The following GRID2 variants were observed in gnomAD, a reference collection of about 807,000 sequenced individuals.
The protein encoded by GRID2 is glutamate ionotropic receptor delta type subunit 2.
In GRID2, 33 loss-of-function variants were observed where a neutral mutation model predicts 114.8. The observed-to-expected ratio is 0.29, with a 90% CI of 0.22 to 0.38. GRID2 has a LOEUF of 0.38. Ranked by LOEUF, GRID2 falls within the 10% of genes least tolerant of loss-of-function variation. GRID2 has a pLI of 1.00. For missense variants in GRID2, 1,184 were observed against 1,257.7 expected (o/e 0.94, Z 0.89); for synonymous variants, 505 against 449.9 (o/e 1.12, Z -1.55).
chr4:93,514,422 TACACACACACAC>T (rs56718347), intron 12 of GRID2, among the ~76,000 whole-genome samples: 6,646 of 139,738 alleles, frequency 0.048, 166 homozygotes, highest in South Asian at 0.066. Flanking sequence ...ACCTCCACAG[TACACACACACAC>T]ACACACACAC....
chr4:93,613,636 T>C (rs1741224244), intron 13 of GRID2, among the ~76,000 whole-genome samples: 2 of 122,312 alleles, frequency 1.6e-5, no homozygotes, highest in African/African-American at 5.9e-5. Flanking sequence ...GGGTCAGGGG[T>C]CAGGGACCCA....
At chr4:93,382,440 C>T (rs778827016) in intron 8 of GRID2, among the ~76,000 whole-genome samples, 5 of 151,790 alleles carry the variant, frequency 3.3e-5, no homozygotes, top group African/African-American at 4.8e-5. Context: ...TCTTTCTGTT[C>T]CTTGGATTGA....
chr4:92,485,177 C>T (rs1191630095), intron 1 of GRID2, among the ~76,000 whole-genome samples: 3 of 150,470 alleles, frequency 2.0e-5, no homozygotes, highest in African/African-American at 7.3e-5. Context: ...TGGAGGATGA[C>T]AGTTGGGGAT....
intron 13 of GRID2, among the ~76,000 whole-genome samples, chr4:93,591,839 T>C (rs1437149321): frequency 3.3e-5 from 5 of 152,350 alleles, no homozygotes; most frequent in African/African-American, 1.2e-4. Flanking sequence ...TTAGTTTATT[T>C]GCGTAGAGGT....
At chr4:92,364,309 G>A (rs1475492218) in intron 1 of GRID2, among the ~76,000 whole-genome samples, 1 of 152,022 alleles carries the variant, frequency 6.6e-6, no homozygotes, top group Non-Finnish European at 1.5e-5. Flanking sequence ...GTTATGCAAA[G>A]TTGAGTGAGT....
chr4:93,615,936 G>T (rs1367307639), intron 13 of GRID2, among the ~76,000 whole-genome samples: 1 of 151,854 alleles, frequency 6.6e-6, no homozygotes. Context: ...ATTCTTTTCT[G>T]CATTGTCACT....
intron 2 of GRID2, chr4:92,884,949 C>A (rs770828258): frequency 9.5e-6 from 3 of 317,436 alleles, no homozygotes; most frequent in Admixed American, 4.1e-5. Flanking sequence ...AAAAAAAAAT[C>A]GCATCTAAAA....
At chr4:93,149,032 T>A (rs1323689854) in intron 4 of GRID2, among the ~76,000 whole-genome samples, 1 of 152,112 alleles carries the variant, frequency 6.6e-6, no homozygotes, top group Non-Finnish European at 1.5e-5. Flanking sequence ...AGTCATTATT[T>A]TCAGGGCCCC....
chr4:93,052,909 C>G (rs1013043535), intron 2 of GRID2, among the ~76,000 whole-genome samples: 3 of 151,828 alleles, frequency 2.0e-5, no homozygotes, highest in African/African-American at 7.2e-5. Flanking sequence ...TTAATCAGTG[C>G]TGCATAGGGC....
chr4:93,330,832 A>T (rs1758349681), intron 8 of GRID2, among the ~76,000 whole-genome samples: 1 of 152,022 alleles, frequency 6.6e-6, no homozygotes, highest in Non-Finnish European at 1.5e-5. Context: ...CTTCTAATCT[A>T]TTCCCCTTCT....
chr4:93,760,487 G>A (rs1293799056), intron 14 of GRID2, among the ~76,000 whole-genome samples: 3 of 152,150 alleles, frequency 2.0e-5, no homozygotes, highest in Non-Finnish European at 4.4e-5. Context: ...TTTTAAACAG[G>A]TCTCTGCTCT....
At chr4:93,221,683 A>C (rs1260730855) in intron 6 of GRID2, among the ~76,000 whole-genome samples, 1 of 152,200 alleles carries the variant, frequency 6.6e-6, no homozygotes, top group Non-Finnish European at 1.5e-5. Flanking sequence ...TGACAGAAAA[A>C]AGCAATAAAG....
rs535239229 is a variant in GRID2, at chr4:92,862,441, A to G, written c.245-222554A>G. Reference sequence around the variant, plus strand: ...CTACAAAGTGAAAATTGTTTTTTGTATTTGGCTTTAATAATTGCTTGTGTT... The same window carrying G: ...CTACAAAGTGAAAATTGTTTTTTGTGTTTGGCTTTAATAATTGCTTGTGTT... On this transcript the variant is annotated intron_variant, in intron 2 of 15. Coordinates refer to ENST00000282020, the MANE Select transcript of GRID2 (RefSeq NM_001510.4). Among the ~76,000 whole-genome samples the G allele has an allele frequency of 3.9e-5, 6 of 151,956 alleles. No homozygotes were observed. In the East Asian group the frequency reaches 9.7e-4, roughly 24 times the overall value.
At chr4:93,256,443 C>G (rs1043983404) in intron 8 of GRID2, among the ~76,000 whole-genome samples, 1 of 149,084 alleles carries the variant, frequency 6.7e-6, no homozygotes, top group African/African-American at 2.5e-5. Flanking sequence ...TTTTTTTGGT[C>G]ACAATGTAGT....
intron 1 of GRID2, among the ~76,000 whole-genome samples, chr4:92,423,320 A>C (rs1731996812): frequency 6.6e-6 from 1 of 152,150 alleles, no homozygotes; most frequent in South Asian, 2.1e-4. Flanking sequence ...TGCAGAGATG[A>C]GTAAGAATGG....
intron 8 of GRID2, among the ~76,000 whole-genome samples, chr4:93,373,341 T>A (rs998231522): frequency 2.6e-5 from 4 of 151,988 alleles, no homozygotes; most frequent in Non-Finnish European, 4.4e-5. Flanking sequence ...TAGAAAAAAA[T>A]ATCTCTTTAG....
At chr4:92,805,813 A>AG (rs1239206044) in intron 2 of GRID2, among the ~76,000 whole-genome samples, 2 of 151,952 alleles carry the variant, frequency 1.3e-5, no homozygotes, top group Non-Finnish European at 2.9e-5. Flanking sequence ...AAGAAAAAAA[A>AG]GTAATTTCCT....
intron 2 of GRID2, among the ~76,000 whole-genome samples, chr4:92,857,533 G>A (rs1744258536): frequency 6.6e-6 from 1 of 152,186 alleles, no homozygotes; most frequent in African/African-American, 2.4e-5. Flanking sequence ...CTAATGCAGA[G>A]CAAGTCCTTA....
chr4:92,755,650 A>C (rs1298301777), intron 2 of GRID2, among the ~76,000 whole-genome samples: 1 of 152,166 alleles, frequency 6.6e-6, no homozygotes, highest in Non-Finnish European at 1.5e-5. Context: ...GTAATGTATT[A>C]ATGAAACAAA....
Sources: allele counts gnomAD v4.1 joint callset (sites outside exome capture counted in the v4.1 genomes callset), GRCh38; gene constraint gnomAD v4.1.1; transcripts MANE v1.5; gene names NCBI Gene and HGNC (gene_info 2026-07-23, HGNC 2026-07-21).